Variants in SLC2A2 observed in about 807,000 individuals in gnomAD.
SLC2A2 encodes solute carrier family 2, facilitated glucose transporter member 2.
Under a neutral mutation model 54.5 loss-of-function variants are expected in SLC2A2, and 36 were observed. That is an observed-to-expected ratio of 0.66 (90% CI 0.51 to 0.87). The LOEUF (loss-of-function observed/expected upper bound fraction) is 0.87, where lower values mean the gene tolerates loss of function less well. Among genes scored for constraint, SLC2A2 ranks in the 40% least tolerant of loss-of-function variants. The pLI is 0.00. For synonymous variants in SLC2A2, 223 were observed against 219.1 expected, an observed-to-expected ratio of 1.02 and a Z score of -0.16; for missense variants, 543 against 624.3, an observed-to-expected ratio of 0.87 and a Z score of 1.39.
At position 171,004,484 on chromosome 3, in the gene SLC2A2, G is replaced by A. The variant is rs150056895; in HGVS notation, c.963+801C>T. On this transcript the variant is annotated intron_variant, in intron 7 of 10. Coordinates refer to ENST00000314251, the MANE Select transcript of SLC2A2 (RefSeq NM_000340.2). ...CTTCCTTTGCCTCCCCCAAGTGTTT[G>A]CCCATCTCTCAATCACCCACAAAGT... Among the ~76,000 whole-genome samples, 198 of 152,014 alleles carry A rather than the reference G, an allele frequency of 1.3e-3. 1 individual carries two copies. Among genetic ancestry groups the A allele is most frequent in the Non-Finnish European group, 2.6e-3 (175 of 67,946 alleles).
chr3:170,999,268 T>A, intron 8 of SLC2A2, 102 bp from the exon 9 acceptor site: 1 of 805,176 alleles, frequency 1.2e-6, no homozygotes, highest in Non-Finnish European at 2.2e-6. Context: ...TTAATTTATA[T>A]AACAGATAAG....
Position 171,013,917 on chromosome 3 carries a change from C to G in SLC2A2, c.371+552G>C, listed in dbSNP as rs551985894. Among the ~76,000 whole-genome samples, 90 of 114,798 alleles carry G rather than the reference C, an allele frequency of 7.8e-4. 1 individual carries two copies. Among genetic ancestry groups the G allele is most frequent in the African/African-American group, 3.8e-3 (87 of 23,028 alleles). The allele number at this position is 114,798 out of a possible 152,430, so 75.3% of individuals were successfully genotyped here. Reference sequence around the variant, plus strand: ...ACTCAAGTGATAAATGGGGGTATCTCTTGCTTCATCTCTGGTTGGGGCTTT... The same window carrying G: ...ACTCAAGTGATAAATGGGGGTATCTGTTGCTTCATCTCTGGTTGGGGCTTT... On this transcript the variant is annotated intron_variant, in intron 3 of 10. Coordinates refer to ENST00000314251, the MANE Select transcript of SLC2A2 (RefSeq NM_000340.2).
intron 6 of SLC2A2, 41 bp downstream of exon 6, chr3:171,005,902 C>A (rs371832937): frequency 7.2e-5 from 114 of 1,585,818 alleles, no homozygotes; most frequent in Non-Finnish European, 9.6e-5. Flanking sequence ...GCTGATAATG[C>A]CAAAACAATA....
At chr3:171,002,231 T>G (rs1715373399) in intron 8 of SLC2A2, among the ~76,000 whole-genome samples, 1 of 151,964 alleles carries the variant, frequency 6.6e-6, no homozygotes, top group African/African-American at 2.4e-5. Context: ...AATGACAAGC[T>G]GTCAGCTACT....
At position 170,997,879 on chromosome 3, in the gene SLC2A2, A is replaced by C; in HGVS notation, c.*24T>G. 2 of 1,587,026 alleles carry C rather than the reference A, an allele frequency of 1.3e-6. No homozygotes were observed. The highest frequency in any genetic ancestry group is 1.7e-6 in the Non-Finnish European group (2 of 1,157,818). On this transcript the variant is annotated 3_prime_UTR_variant, in exon 11 of 11. Transcript: ENST00000314251. Reference sequence around the variant, plus strand: ...GACGGTTCCCTTATTGTTTCTGTTCATGTCAAAAAGCAGGGTTTTTTTTTT... The same window carrying C: ...GACGGTTCCCTTATTGTTTCTGTTCCTGTCAAAAAGCAGGGTTTTTTTTTT...
At chr3:170,999,762 A>G (rs1344952205) in intron 8 of SLC2A2, among the ~76,000 whole-genome samples, 1 of 152,130 alleles carries the variant, frequency 6.6e-6, no homozygotes, top group African/African-American at 2.4e-5. Context: ...TTTTTCTGGT[A>G]TGCTTAATTG....
intron 8 of SLC2A2, 37 bp from the exon 9 acceptor site, chr3:170,999,203 A>G (rs189746451): frequency 2.2e-6 from 3 of 1,360,974 alleles, no homozygotes; most frequent in African/African-American, 2.8e-5. Context: ...CAGTTTTGTG[A>G]GTCACAAAAT....
At position 171,019,587 on chromosome 3, in the gene SLC2A2, G is replaced by A. The variant is rs1716358930; in HGVS notation, c.16-964C>T. Among the ~76,000 whole-genome samples the A allele has an allele frequency of 3.9e-5, 6 of 152,228 alleles. No homozygotes were observed. The South Asian group carries it at 1.2e-3, about 32-fold the overall frequency. Reference sequence around the variant, plus strand: ...CTTAGTTTAGCATTTTTTTGTGCATGTGATAGCAAAATTGTAGAAAGAACC... The same window carrying A: ...CTTAGTTTAGCATTTTTTTGTGCATATGATAGCAAAATTGTAGAAAGAACC... On this transcript the variant is annotated intron_variant, in intron 1 of 10. Coordinates refer to ENST00000314251, the MANE Select transcript of SLC2A2 (RefSeq NM_000340.2).
intron 2 of SLC2A2, among the ~76,000 whole-genome samples, chr3:171,017,243 G>A (rs1576840853): frequency 6.6e-6 from 1 of 152,128 alleles, no homozygotes; most frequent in African/African-American, 2.4e-5. Flanking sequence ...ATGTTAAATT[G>A]TTAAATGATG....
chr3:171,010,793 A>G (rs942032971), intron 3 of SLC2A2, among the ~76,000 whole-genome samples: 1 of 152,148 alleles, frequency 6.6e-6, no homozygotes, highest in Non-Finnish European at 1.5e-5. Context: ...TGACCAATGT[A>G]AAATACATAA....
chr3:171,009,617 A>T (rs1180474501), intron 4 of SLC2A2, among the ~76,000 whole-genome samples: 1 of 152,072 alleles, frequency 6.6e-6, no homozygotes, highest in Non-Finnish European at 1.5e-5. Flanking sequence ...AACGTTTTAC[A>T]TATGTTCTCA....
At chr3:171,007,040 G>A (rs533366392) in intron 5 of SLC2A2, 108 bp downstream of exon 5, 2 of 742,200 alleles carry the variant, frequency 2.7e-6, no homozygotes, top group African/African-American at 1.7e-5. Context: ...AGGGAGGGAC[G>A]AGATGGATGA....
At chr3:171,014,764 C>A in intron 2 of SLC2A2, 33 bp from the exon 3 acceptor site, 1 of 1,569,596 alleles carries the variant, frequency 6.4e-7, no homozygotes, top group Non-Finnish European at 8.8e-7. Context: ...TTTACTATTT[C>A]AAACATTCTA....
At chr3:171,010,517 G>A (rs1020000777) in intron 3 of SLC2A2, among the ~76,000 whole-genome samples, 1 of 152,044 alleles carries the variant, frequency 6.6e-6, no homozygotes, top group Admixed American at 6.6e-5. Context: ...AGTTAACTAA[G>A]TTTTCTCTAA....
chr3:171,005,860 C>T, intron 6 of SLC2A2, 83 bp downstream of exon 6: 1 of 1,362,176 alleles, frequency 7.3e-7, no homozygotes, highest in Non-Finnish European at 1.0e-6. Context: ...ATTTAATCAC[C>T]AACTTCATGT....
chr3:171,025,353 A>T (rs1228440458), intron 1 of SLC2A2, among the ~76,000 whole-genome samples: 1 of 61,836 alleles, frequency 1.6e-5, no homozygotes, highest in Non-Finnish European at 2.9e-5. Context: ...ATACTATTTA[A>T]ATATGTATTT....
At chr3:171,023,737 G>T (rs891303250) in intron 1 of SLC2A2, among the ~76,000 whole-genome samples, 5 of 152,080 alleles carry the variant, frequency 3.3e-5, no homozygotes, top group Non-Finnish European at 5.9e-5. Flanking sequence ...TTCACATATG[G>T]GGGAGCTCAC....
intron 1 of SLC2A2, among the ~76,000 whole-genome samples, chr3:171,026,453 A>G (rs950863094): frequency 2.7e-5 from 4 of 149,252 alleles, no homozygotes; most frequent in South Asian, 2.1e-4. Flanking sequence ...AAACTTATGC[A>G]GACTAGTCAG....
At chr3:171,007,488 T>G (rs1369077935) in intron 4 of SLC2A2, 1 of 540,312 alleles carries the variant, frequency 1.9e-6, no homozygotes, top group African/African-American at 1.9e-5. Context: ...TGCTTAGTCA[T>G]GTATTTGACA....
Sources: gnomAD v4.1 joint callset for allele counts (sites outside exome capture counted in the v4.1 genomes callset) on GRCh38, gnomAD v4.1.1 for gene constraint, MANE v1.5 for transcripts, NCBI Gene and HGNC (gene_info 2026-07-23, HGNC 2026-07-21) for gene names.